CRPPA: variants seen among roughly 807,000 people sequenced by gnomAD.
CRPPA encodes the protein D-ribitol-5-phosphate cytidylyltransferase.
Under a neutral mutation model 52.0 loss-of-function variants are expected in CRPPA, and 43 were observed. That is an observed-to-expected ratio of 0.83 (90% CI 0.65 to 1.07). The LOEUF is 1.07. CRPPA is among the 50% of genes least tolerant of loss of function. CRPPA has a pLI of 0.00. For synonymous variants in CRPPA, 250 were observed against 203.5 expected (o/e 1.23, Z -1.94); for missense variants, 629 against 551.7 (o/e 1.14, Z -1.40).
intron 9 of CRPPA, among the ~76,000 whole-genome samples, chr7:16,165,614 T>A (rs1781043117): frequency 6.6e-6 from 1 of 152,238 alleles, no homozygotes; most frequent in Non-Finnish European, 1.5e-5. Flanking sequence ...ATATTCATTG[T>A]CAGATGGAAC....
chr7:16,161,283 C>G (rs796519471), intron 9 of CRPPA, among the ~76,000 whole-genome samples: 4 of 152,236 alleles, frequency 2.6e-5, no homozygotes, highest in African/African-American at 7.2e-5. Context: ...GGAATGCTTC[C>G]AGCTTTTGCC....
chr7:16,115,514 TC>T (rs1285583591), intron 9 of CRPPA, among the ~76,000 whole-genome samples: 2 of 152,174 alleles, frequency 1.3e-5, no homozygotes, highest in African/African-American at 4.8e-5. Context: ...TATTTCCTAG[TC>T]CTGTTCACTT....
chr7:16,361,069 C>A (rs1786430844), intron 3 of CRPPA, among the ~76,000 whole-genome samples: 1 of 151,964 alleles, frequency 6.6e-6, no homozygotes. Flanking sequence ...GTCATTTCTC[C>A]CAAGAAGATA....
chr7:16,257,067 C>T (rs775752354), intron 8 of CRPPA, among the ~76,000 whole-genome samples: 1 of 152,020 alleles, frequency 6.6e-6, no homozygotes, highest in Admixed American at 6.6e-5. Flanking sequence ...TAGCAGTGTG[C>T]TAGAAACTAC....
chr7:16,346,883 T>C (rs1337572055), intron 3 of CRPPA, among the ~76,000 whole-genome samples: 4 of 152,040 alleles, frequency 2.6e-5, no homozygotes, highest in Non-Finnish European at 5.9e-5. Context: ...GGAGAAACAG[T>C]CCTGTGTATA....
In CRPPA at chr7:16,244,784, T is replaced by C. The variant is rs1238154481; in HGVS notation, c.1119+13606A>G. Among the ~76,000 whole-genome samples the C allele has an allele frequency of 6.6e-5, 10 of 152,312 alleles. No homozygotes were observed. In the East Asian group the frequency reaches 1.9e-3, roughly 29 times the overall value. ...ACTGAAATTGGAACTTGAAGACCCTTGTATAAGAAAAAGAACCGTTGTAAA... is the reference window on the plus strand; with the variant it reads ...ACTGAAATTGGAACTTGAAGACCCTCGTATAAGAAAAAGAACCGTTGTAAA... On this transcript the variant is annotated intron_variant, in intron 8 of 9. Coordinates refer to ENST00000407010, the MANE Select transcript of CRPPA (RefSeq NM_001101426.4).
chr7:16,389,681 A>G (rs886659995), intron 2 of CRPPA, among the ~76,000 whole-genome samples: 1 of 151,886 alleles, frequency 6.6e-6, no homozygotes, highest in African/African-American at 2.4e-5. Flanking sequence ...TTTTCCCTTT[A>G]TGATCAAGAG....
chr7:16,213,138 G>A (rs1583433712), intron 9 of CRPPA, among the ~76,000 whole-genome samples: 1 of 152,100 alleles, frequency 6.6e-6, no homozygotes, highest in Non-Finnish European at 1.5e-5. Context: ...CTATTGGCTT[G>A]AACTATTCAT....
intron 6 of CRPPA, among the ~76,000 whole-genome samples, chr7:16,267,747 TC>T (rs932607091): frequency 2.0e-5 from 3 of 152,204 alleles, no homozygotes; most frequent in South Asian, 2.1e-4. Flanking sequence ...TAATAAAGAT[TC>T]TGTCTAAATG....
intron 5 of CRPPA, among the ~76,000 whole-genome samples, chr7:16,293,376 T>C (rs1784602001): frequency 6.6e-6 from 1 of 152,002 alleles, no homozygotes; most frequent in Non-Finnish European, 1.5e-5. Context: ...GTGGCTTCCA[T>C]TATTCTATTG....
intron 2 of CRPPA, among the ~76,000 whole-genome samples, chr7:16,399,441 A>G (rs116713513): frequency 0.015 from 2,320 of 152,120 alleles, 58 homozygotes; most frequent in African/African-American, 0.048. Flanking sequence ...AGATTGGCAC[A>G]TGTCCAACAT....
intron 3 of CRPPA, among the ~76,000 whole-genome samples, chr7:16,354,007 C>T (rs1211881725): frequency 6.6e-6 from 1 of 151,756 alleles, no homozygotes; most frequent in African/African-American, 2.4e-5. Context: ...AAAAAAATAA[C>T]CAAACTTATA....
intron 3 of CRPPA, among the ~76,000 whole-genome samples, chr7:16,334,561 C>T (rs1019628358): frequency 6.6e-6 from 1 of 152,126 alleles, no homozygotes; most frequent in Non-Finnish European, 1.5e-5. Flanking sequence ...GCCTTGGAGT[C>T]CTTCACACAA....
chr7:16,319,608 T>C (rs1785214555), intron 3 of CRPPA, among the ~76,000 whole-genome samples: 1 of 152,114 alleles, frequency 6.6e-6, no homozygotes, highest in South Asian at 2.1e-4. Flanking sequence ...CTTCCTACAC[T>C]GGACAGACTG....
At chr7:16,227,848 G>A (rs1782691478) in intron 8 of CRPPA, among the ~76,000 whole-genome samples, 1 of 151,798 alleles carries the variant, frequency 6.6e-6, no homozygotes, top group African/African-American at 2.4e-5. Flanking sequence ...TTTCTCCTAT[G>A]TATCTTCTAG....
At chr7:16,383,444 T>C (rs949659395) in intron 2 of CRPPA, among the ~76,000 whole-genome samples, 2 of 151,998 alleles carry the variant, frequency 1.3e-5, no homozygotes, top group Admixed American at 6.6e-5. Context: ...GGGTCAGGGG[T>C]CAGGGACCCA....
chr7:16,227,513 G>A (rs915147429), intron 8 of CRPPA, among the ~76,000 whole-genome samples: 4 of 151,512 alleles, frequency 2.6e-5, no homozygotes, highest in Non-Finnish European at 1.5e-5. Flanking sequence ...TATACCTATT[G>A]GCCATCTATT....
At chr7:16,293,743 T>C (rs1038969529) in intron 5 of CRPPA, among the ~76,000 whole-genome samples, 2 of 151,982 alleles carry the variant, frequency 1.3e-5, no homozygotes, top group African/African-American at 4.8e-5. Context: ...TGGAGGACAA[T>C]GGCACATAGG....
rs189212361 is a variant in CRPPA at position 16,287,889 on chromosome 7, T to C, written c.836-9663A>G. Among the ~76,000 whole-genome samples the C allele has an allele frequency of 6.9e-3, 840 of 122,302 alleles. 6 individuals carry two copies. Among genetic ancestry groups the C allele is most frequent in the Admixed American group, 0.011 (103 of 9,308 alleles). The allele number at this position is 122,302 out of a possible 152,430, so 80.2% of individuals were successfully genotyped here. On this transcript the variant is annotated intron_variant, in intron 5 of 9. Coordinates refer to ENST00000407010, the MANE Select transcript of CRPPA (RefSeq NM_001101426.4). ...GTGAGCCAAGATTGTACCACTGTAC[T>C]CCAGCCTGGGTGAAAAAAAGAAAGG...
Sources: gnomAD v4.1 joint callset for allele counts (sites outside exome capture counted in the v4.1 genomes callset) on GRCh38, gnomAD v4.1.1 for gene constraint, MANE v1.5 for transcripts, NCBI Gene and HGNC (gene_info 2026-07-23, HGNC 2026-07-21) for gene names.